The following BLTP1 variants were observed in gnomAD, a reference collection of about 807,000 sequenced individuals.
BLTP1 encodes the protein bridge-like lipid transfer protein family member 1, also known as fragile site-associated protein.
At chr4:122,285,895 G>C in the BLTP1 span, among the ~76,000 whole-genome samples, 1 of 152,124 alleles carries the variant, frequency 6.6e-6, no homozygotes, top group African/African-American at 2.4e-5. Context: ...TAATAGTAAA[G>C]CTGGTATATT....
At chr4:122,153,333 AGTT>A in the BLTP1 span, among the ~76,000 whole-genome samples, 5 of 152,258 alleles carry the variant, frequency 3.3e-5, no homozygotes, top group East Asian at 9.6e-4. Context: ...ATAGCAATGA[AGTT>A]GTTTTATTCC....
chr4:122,356,139 C>A, the BLTP1 span: 1 of 596,474 alleles, frequency 1.7e-6, no homozygotes, highest in African/African-American at 1.9e-5. Context: ...AGCTATATGA[C>A]CTCTGGAAAA....
At chr4:122,227,050 G>A in the BLTP1 span, 1 of 547,104 alleles carries the variant, frequency 1.8e-6, no homozygotes, top group Admixed American at 4.7e-5. Flanking sequence ...AAAAGAAACA[G>A]AATTATAAAA....
chr4:122,361,113 C>T, the BLTP1 span, among the ~76,000 whole-genome samples: 5 of 152,134 alleles, frequency 3.3e-5, no homozygotes, highest in South Asian at 6.2e-4. Context: ...AATGAATTAA[C>T]GCAAAATGCT....
the BLTP1 span, chr4:122,347,497 GTTTGT>G: frequency 1.3e-6 from 2 of 1,586,876 alleles, no homozygotes; most frequent in Non-Finnish European, 1.7e-6. Context: ...TGGATTTTTT[GTTTGT>G]TTTGTTTGTT....
At chr4:122,170,289 C>T in the BLTP1 span, 1 of 881,224 alleles carries the variant, frequency 1.1e-6, no homozygotes, top group African/African-American at 2.4e-5. Flanking sequence ...TGGGCAACAA[C>T]AGCAAAACTC....
the BLTP1 span, chr4:122,327,967 C>G: frequency 1.6e-6 from 1 of 627,802 alleles, no homozygotes; most frequent in Non-Finnish European, 2.4e-6. Flanking sequence ...TTCATATGTT[C>G]ATGAATCTGA....
chr4:122,190,404 T>A, the BLTP1 span: 107 of 978,350 alleles, frequency 1.1e-4, no homozygotes, highest in Non-Finnish European at 1.2e-4. Flanking sequence ...GCCTGTTTTT[T>A]TTTAAAAGTA....
the BLTP1 span, among the ~76,000 whole-genome samples, chr4:122,320,903 G>A: frequency 6.7e-6 from 1 of 149,880 alleles, no homozygotes; most frequent in African/African-American, 2.5e-5. Flanking sequence ...TCTGCCTTTT[G>A]TGGTTTTAAT....
chr4:122,250,343 CTTTTT>C, the BLTP1 span: 2 of 1,571,296 alleles, frequency 1.3e-6, no homozygotes, highest in African/African-American at 2.7e-5. Context: ...ATAATAAATG[CTTTTT>C]TTTATTTTTA....
At chr4:122,274,806 C>A in the BLTP1 span, 1 of 175,806 alleles carries the variant, frequency 5.7e-6, no homozygotes, top group Non-Finnish European at 1.1e-5. Flanking sequence ...GGATTTGGTT[C>A]AGCGTTATAA....
the BLTP1 span, chr4:122,243,898 A>T: frequency 8.1e-6 from 13 of 1,607,730 alleles, no homozygotes; most frequent in Non-Finnish European, 1.0e-5. Flanking sequence ...GATAACACAG[A>T]TGATGAAACA....
chr4:122,290,824 C>T, the BLTP1 span: 6 of 137,372 alleles, frequency 4.4e-5, no homozygotes, highest in East Asian at 4.1e-4. Flanking sequence ...CACACACACA[C>T]ACACACACAC....
the BLTP1 span, chr4:122,251,553 T>C: frequency 1.0e-6 from 1 of 983,558 alleles, no homozygotes; most frequent in Non-Finnish European, 1.2e-6. Context: ...TAAGGAAATT[T>C]AAAAATACAA....
the BLTP1 span, among the ~76,000 whole-genome samples, chr4:122,260,578 T>C: frequency 6.6e-6 from 1 of 152,140 alleles, no homozygotes; most frequent in Admixed American, 6.5e-5. Context: ...ATAGTGTACA[T>C]TGTTGGTGAA....
the BLTP1 span, chr4:122,200,442 A>G: frequency 3.8e-6 from 2 of 522,090 alleles, no homozygotes; most frequent in African/African-American, 4.2e-5. Context: ...GCCAGGTGTG[A>G]TGGCGCGCAT....
At chr4:122,231,306 C>T in the BLTP1 span, among the ~76,000 whole-genome samples, 1 of 152,246 alleles carries the variant, frequency 6.6e-6, no homozygotes, top group South Asian at 2.1e-4. Context: ...CCATTGCTAC[C>T]TTTTGAGTGT....
the BLTP1 span, chr4:122,356,636 C>T: frequency 1.2e-6 from 2 of 1,611,954 alleles, no homozygotes; most frequent in Non-Finnish European, 1.7e-6. Context: ...AGCCTGAAGC[C>T]AAAAGTAGAA....
At chr4:122,180,527 G>C in the BLTP1 span, among the ~76,000 whole-genome samples, 1 of 152,108 alleles carries the variant, frequency 6.6e-6, no homozygotes. Flanking sequence ...AGTGATTGGA[G>C]CCCAAGATTA....
Sources: allele counts gnomAD v4.1 joint callset (sites outside exome capture counted in the v4.1 genomes callset), GRCh38; gene constraint gnomAD v4.1.1; transcripts MANE v1.5; gene names NCBI Gene and HGNC (gene_info 2026-07-23, HGNC 2026-07-21).